Variants in IFT74 observed in about 807,000 individuals in gnomAD.
IFT74 encodes intraflagellar transport 74.
Under a neutral mutation model 96.7 loss-of-function variants are expected in IFT74, and 92 were observed. The ratio of observed to expected loss-of-function variants is 0.95; its 90% CI spans 0.80 to 1.13. The LOEUF is 1.13. IFT74 is among the 50% of genes most tolerant of loss of function. IFT74 has a pLI of 0.00. For missense variants in IFT74, 811 were observed against 698.2 expected (o/e 1.16, Z -1.82); for synonymous variants, 223 against 213.2 (o/e 1.05, Z -0.40).
intron 7 of IFT74, 106 bp from the exon 8 acceptor site, chr9:26,990,028 G>A (rs527387527): frequency 1.9e-6 from 1 of 517,662 alleles, no homozygotes; most frequent in East Asian, 3.5e-5. Flanking sequence ...GTGGCACTAG[G>A]ATAATTATAG....
chr9:27,010,618 T>C (rs1587348452), intron 9 of IFT74, among the ~76,000 whole-genome samples: 2 of 151,758 alleles, frequency 1.3e-5, no homozygotes, highest in East Asian at 3.9e-4. Flanking sequence ...GCCTCCTGAG[T>C]AGCTGGGACC....
intron 13 of IFT74, among the ~76,000 whole-genome samples, chr9:27,041,412 G>A (rs1313176091): frequency 6.6e-6 from 1 of 152,114 alleles, no homozygotes; most frequent in Non-Finnish European, 1.5e-5. Context: ...TACTCAGTTT[G>A]ATATCCCAAA....
At position 26,978,218 on chromosome 9, in the gene IFT74, C is replaced by A; in HGVS notation, c.211C>A (p.Pro71Thr). The A allele has an allele frequency of 6.2e-7, 1 of 1,613,376 alleles. No individual in the cohort carries two copies. Among genetic ancestry groups the A allele is most frequent in the Non-Finnish European group, 8.5e-7 (1 of 1,179,850 alleles). Residue 71 changes from proline to threonine, a missense_variant, in exon 3 of 20, where the codon CCT becomes ACT. By Grantham distance (38) the Pro-to-Thr change is conservative. Coordinates refer to ENST00000380062, the MANE Select transcript of IFT74 (RefSeq NM_025103.4). ...TTCTCAAATCAAAGTTGCCCATCGC[C>A]CTGTAACACAACAAGGTTTGACTGG... is the stretch of plus-strand genomic sequence containing the variant. ...LSSQIKVAHRPVTQQGLTGMK... is the reference protein window; with the variant it reads ...LSSQIKVAHRTVTQQGLTGMK...
At chr9:27,010,714 CCCCTCGGCTT>C (rs146424552) in intron 9 of IFT74, among the ~76,000 whole-genome samples, 17,148 of 150,702 alleles carry the variant, frequency 0.11, 1,144 homozygotes, top group South Asian at 0.26. Context: ...GTGATCCGCC[CCCCTCGGCTT>C]CCCAAAGTGC....
intron 16 of IFT74, among the ~76,000 whole-genome samples, chr9:27,050,651 A>T (rs1202652228): frequency 6.8e-6 from 1 of 147,832 alleles, no homozygotes; most frequent in East Asian, 2.1e-4. Flanking sequence ...CTAACTTAAG[A>T]ATGTTGAAAG....
intron 8 of IFT74, among the ~76,000 whole-genome samples, chr9:26,992,849 C>T (rs551240056): frequency 1.3e-5 from 2 of 152,278 alleles, no homozygotes; most frequent in South Asian, 2.1e-4. Context: ...TGCCATACCT[C>T]GAGAAGGCAG....
At chr9:26,994,610 T>A (rs1295385431) in intron 8 of IFT74, 1 of 152,480 alleles carries the variant, frequency 6.6e-6, no homozygotes, top group African/African-American at 2.4e-5. Context: ...CTGTAGTAAT[T>A]TGACCATGTA....
intron 10 of IFT74, among the ~76,000 whole-genome samples, chr9:27,013,249 G>A (rs1056117433): frequency 1.3e-5 from 2 of 152,134 alleles, no homozygotes; most frequent in Admixed American, 6.6e-5. Context: ...TGTATCTACA[G>A]TGTCTATTTA....
At chr9:26,980,951 C>G (rs10967639) in intron 4 of IFT74, among the ~76,000 whole-genome samples, 1 of 152,008 alleles carries the variant, frequency 6.6e-6, no homozygotes, top group South Asian at 2.1e-4. Context: ...TCTTACTGTT[C>G]CGGAGACGCA....
At chr9:26,991,313 A>G (rs1827855278) in intron 8 of IFT74, among the ~76,000 whole-genome samples, 1 of 152,094 alleles carries the variant, frequency 6.6e-6, no homozygotes, top group Admixed American at 6.5e-5. Context: ...AGCCTTGAAC[A>G]CCTGGGTTCA....
chr9:26,949,856 G>A (rs1825877009), intron 1 of IFT74, among the ~76,000 whole-genome samples: 1 of 152,194 alleles, frequency 6.6e-6, no homozygotes, highest in Non-Finnish European at 1.5e-5. Flanking sequence ...CACAGGTCCA[G>A]GTTGTGTCTG....
At chr9:27,041,455 T>C (rs191745967) in intron 13 of IFT74, among the ~76,000 whole-genome samples, 1 of 152,336 alleles carries the variant, frequency 6.6e-6, no homozygotes, top group Non-Finnish European at 1.5e-5. Flanking sequence ...TAGTATCTGA[T>C]AATCAGTAAA....
At chr9:26,958,205 C>A (rs1826206468) in intron 1 of IFT74, among the ~76,000 whole-genome samples, 1 of 152,088 alleles carries the variant, frequency 6.6e-6, no homozygotes, top group African/African-American at 2.4e-5. Flanking sequence ...TCAGCTCTTG[C>A]CATAAAGGGT....
upstream of IFT74, among the ~76,000 whole-genome samples, chr9:26,952,581 G>GT (rs1355670126): frequency 1.3e-5 from 2 of 152,044 alleles, no homozygotes; most frequent in Non-Finnish European, 2.9e-5. Context: ...CTTGCCGAAA[G>GT]TTTATTTTTA....
chr9:26,958,670 T>A (rs190448431), intron 1 of IFT74, among the ~76,000 whole-genome samples: 444 of 152,192 alleles, frequency 2.9e-3, no homozygotes, highest in African/African-American at 0.01. Flanking sequence ...GATAATGAGT[T>A]TGGATTACAT....
chr9:27,039,306 T>C (rs1819362964), intron 13 of IFT74, among the ~76,000 whole-genome samples: 1 of 152,184 alleles, frequency 6.6e-6, no homozygotes. Flanking sequence ...ATTGGGATCA[T>C]AGGTGTGAGC....
intron 16 of IFT74, among the ~76,000 whole-genome samples, chr9:27,050,994 C>T (rs1275327098): frequency 6.6e-6 from 1 of 152,116 alleles, no homozygotes; most frequent in Non-Finnish European, 1.5e-5. Flanking sequence ...CTGACCTGAA[C>T]TGACGTGAGG....
At chr9:27,017,834 C>T (rs1563978440) in intron 11 of IFT74, among the ~76,000 whole-genome samples, 1 of 152,112 alleles carries the variant, frequency 6.6e-6, no homozygotes, top group Non-Finnish European at 1.5e-5. Context: ...AGTTTAGCTC[C>T]AAATTATAAT....
At chr9:26,966,629 C>G (rs1826631317) in intron 2 of IFT74, among the ~76,000 whole-genome samples, 1 of 151,938 alleles carries the variant, frequency 6.6e-6, no homozygotes, top group Non-Finnish European at 1.5e-5. Flanking sequence ...TGTTGGTTGT[C>G]CCTTCACTTT....
Sources: allele counts gnomAD v4.1 joint callset (sites outside exome capture counted in the v4.1 genomes callset), GRCh38; gene constraint gnomAD v4.1.1; transcripts MANE v1.5; gene names NCBI Gene and HGNC (gene_info 2026-07-23, HGNC 2026-07-21).